Variants in MACROD2 observed in about 807,000 individuals in gnomAD.
MACROD2 encodes ADP-ribose glycohydrolase MACROD2.
Under a neutral mutation model 70.4 loss-of-function variants are expected in MACROD2, and 36 were observed. That is an observed-to-expected ratio of 0.51 (90% confidence interval 0.39 to 0.68). The LOEUF (loss-of-function observed/expected upper bound fraction) is 0.68. MACROD2 is among the 30% of genes least tolerant of loss of function. The probability of loss-of-function intolerance (pLI) is 0.00; values close to 1 mark genes in which losing one functional copy is unlikely to be tolerated. For missense variants in MACROD2, 496 were observed against 538.4 expected (o/e 0.92, Z 0.78); for synonymous variants, 172 against 178.8 (o/e 0.96, Z 0.30).
intron 3 of MACROD2, among the ~76,000 whole-genome samples, chr20:14,321,483 G>A (rs1243525880): frequency 6.6e-6 from 1 of 152,138 alleles, no homozygotes; most frequent in African/African-American, 2.4e-5. Context: ...TTAACAAAAA[G>A]TCCCAAAACA....
intron 5 of MACROD2, among the ~76,000 whole-genome samples, chr20:15,214,157 A>G (rs2076788635): frequency 6.6e-6 from 1 of 152,142 alleles, no homozygotes; most frequent in African/African-American, 2.4e-5. Flanking sequence ...TATCTATGTG[A>G]CAAAGCTCCC....
chr20:15,686,323 T>G (rs1480791989), intron 8 of MACROD2, among the ~76,000 whole-genome samples: 1 of 152,226 alleles, frequency 6.6e-6, no homozygotes. Context: ...TTCAAGTGGA[T>G]GTCTCATTCT....
chr20:14,354,705 T>C (rs923567075), intron 3 of MACROD2, among the ~76,000 whole-genome samples: 3 of 152,172 alleles, frequency 2.0e-5, no homozygotes, highest in Admixed American at 6.6e-5. Context: ...TCTTATCACA[T>C]AGGCCCTGAG....
At position 14,510,232 on chromosome 20, in the gene MACROD2, A is replaced by G. The variant is rs78450355; in HGVS notation, c.301+16724A>G. Among the ~76,000 whole-genome samples the G allele has an allele frequency of 2.7e-4, 41 of 152,202 alleles. No individual in the cohort carries two copies. In the East Asian group the frequency reaches 7.1e-3, roughly 26 times the overall value. ...CAGGATATGTGGTCAGATTAAAAGC[A>G]GTTTTTCCTTAGCTCTAAGCCTAAT... On this transcript the variant is annotated intron_variant, in intron 4 of 17. Transcript: ENST00000684519.
intron 3 of MACROD2, among the ~76,000 whole-genome samples, chr20:14,232,450 A>G (rs1053193546): frequency 3.9e-5 from 6 of 152,216 alleles, no homozygotes; most frequent in Admixed American, 1.3e-4. Flanking sequence ...CACCTTCATC[A>G]GTTATCTTAG....
rs62194718 is a variant in MACROD2 at position 15,789,783 on chromosome 20, G to C, written c.646-72962G>C. ...TTAAAATGGCATAAAGGAAATGAGAGTTATATTAGAAATTAAAAGAATAAT... is the reference window on the plus strand; with the variant it reads ...TTAAAATGGCATAAAGGAAATGAGACTTATATTAGAAATTAAAAGAATAAT... On this transcript the variant is annotated intron_variant, in intron 8 of 17. Coordinates refer to ENST00000684519, the MANE Select transcript of MACROD2 (RefSeq NM_001351661.2). 2.0e-5 allele frequency among the ~76,000 whole-genome samples: 3 copies of C among 151,528 alleles called. No homozygotes were observed. The East Asian group carries it at 5.8e-4, about 29-fold the overall frequency.
intron 3 of MACROD2, among the ~76,000 whole-genome samples, chr20:14,273,263 A>G (rs1213526259): frequency 6.6e-6 from 1 of 152,186 alleles, no homozygotes; most frequent in African/African-American, 2.4e-5. Flanking sequence ...TCCTCAGCAA[A>G]TTTAAAAGAA....
intron 5 of MACROD2, among the ~76,000 whole-genome samples, chr20:15,061,512 TCTCA>T (rs1190320369): frequency 1.3e-5 from 2 of 152,140 alleles, no homozygotes; most frequent in Non-Finnish European, 2.9e-5. Context: ...CCCTTCCCTG[TCTCA>T]CTTTCCCACT....
chr20:15,065,460 CCTGA>C (rs1157808347), intron 5 of MACROD2, among the ~76,000 whole-genome samples: 2 of 152,050 alleles, frequency 1.3e-5, no homozygotes, highest in African/African-American at 4.8e-5. Context: ...TCGAGACCAT[CCTGA>C]CTAACACAGT....
intron 7 of MACROD2, among the ~76,000 whole-genome samples, chr20:15,448,163 C>A (rs549986199): frequency 2.1e-4 from 32 of 152,176 alleles, no homozygotes; most frequent in African/African-American, 7.2e-4. Flanking sequence ...GAAGCCCAAT[C>A]CAAAATTCCA....
intron 15 of MACROD2, among the ~76,000 whole-genome samples, chr20:16,009,535 T>C (rs2147523258): frequency 6.6e-6 from 1 of 152,262 alleles, no homozygotes; most frequent in South Asian, 2.1e-4. Context: ...GGCGGGCAGA[T>C]CACCTGAGGT....
intron 5 of MACROD2, among the ~76,000 whole-genome samples, chr20:14,847,703 G>A (rs1188145184): frequency 6.6e-6 from 1 of 151,954 alleles, no homozygotes; most frequent in East Asian, 1.9e-4. Flanking sequence ...TCAATTTTGA[G>A]TGCATACTTT....
chr20:15,684,868 G>A (rs963736950), intron 8 of MACROD2, among the ~76,000 whole-genome samples: 3 of 152,072 alleles, frequency 2.0e-5, no homozygotes, highest in Non-Finnish European at 2.9e-5. Flanking sequence ...CATACATAGC[G>A]TTATTATTTT....
At chr20:15,267,764 G>C (rs953264070) in intron 6 of MACROD2, among the ~76,000 whole-genome samples, 1 of 152,146 alleles carries the variant, frequency 6.6e-6, no homozygotes, top group African/African-American at 2.4e-5. Flanking sequence ...AGCACTGGGA[G>C]GATGGGACGG....
intron 15 of MACROD2, among the ~76,000 whole-genome samples, chr20:16,028,883 G>C (rs191025445): frequency 6.2e-4 from 95 of 152,288 alleles, no homozygotes; most frequent in African/African-American, 2.2e-3. Flanking sequence ...TTGTATCTTT[G>C]TCCTAAAGAA....
chr20:15,794,102 T>C (rs1178591648), intron 8 of MACROD2, among the ~76,000 whole-genome samples: 6 of 151,910 alleles, frequency 3.9e-5, no homozygotes, highest in African/African-American at 1.4e-4. Flanking sequence ...GGCATTGGGA[T>C]ATGCTGTCTT....
At chr20:14,362,948 A>G (rs1386770384) in intron 3 of MACROD2, among the ~76,000 whole-genome samples, 2 of 152,204 alleles carry the variant, frequency 1.3e-5, no homozygotes, top group Non-Finnish European at 2.9e-5. Flanking sequence ...AATAATGACC[A>G]TTTAACAACC....
At chr20:16,000,112 A>G (rs1435670808) in intron 15 of MACROD2, among the ~76,000 whole-genome samples, 2 of 152,226 alleles carry the variant, frequency 1.3e-5, no homozygotes, top group Admixed American at 6.5e-5. Flanking sequence ...TTCTTAGAAC[A>G]TGCAAAAAAT....
intron 8 of MACROD2, among the ~76,000 whole-genome samples, chr20:15,859,692 A>T (rs967309009): frequency 6.6e-6 from 1 of 152,088 alleles, no homozygotes; most frequent in African/African-American, 2.4e-5. Flanking sequence ...GCCTAAGGGT[A>T]AGGGCAGGGA....
Sources: allele counts gnomAD v4.1 joint callset (sites outside exome capture counted in the v4.1 genomes callset), GRCh38; gene constraint gnomAD v4.1.1; transcripts MANE v1.5; gene names NCBI Gene and HGNC (gene_info 2026-07-23, HGNC 2026-07-21).